The following CCNH variants were observed in gnomAD, a reference collection of about 807,000 sequenced individuals.
CCNH encodes cyclin H, also known as cyclin-H.
CCNH carries 31 observed loss-of-function variants against 41.9 expected under a neutral mutation model. The observed-to-expected ratio is 0.74, with a 90% CI of 0.56 to 1.00. The LOEUF is 1.00. Ranked by LOEUF, CCNH falls within the 50% of genes least tolerant of loss-of-function variation. The probability of loss-of-function intolerance (pLI) is 0.00; values close to 1 mark genes in which losing one functional copy is unlikely to be tolerated. For synonymous variants in CCNH, 138 were observed against 136.1 expected (o/e 1.01, Z -0.10); for missense variants, 362 against 388.4 (o/e 0.93, Z 0.57).
rs769133355 is a variant in CCNH at position 87,398,248 on chromosome 5, T to A, written c.872+1146A>T. On this transcript the variant is annotated intron_variant, in intron 7 of 8. Transcript: ENST00000256897. ...GCACACTTCCTAAGTCCGTAGATATTCCCCAACTACAACTGTATAGGTAAG... is the reference window on the plus strand; with the variant it reads ...GCACACTTCCTAAGTCCGTAGATATACCCCAACTACAACTGTATAGGTAAG... Among the ~76,000 whole-genome samples the A allele has an allele frequency of 3.9e-5, 6 of 152,304 alleles. No individual in the cohort carries two copies. In the South Asian group the frequency reaches 1.0e-3, roughly 26 times the overall value.
At chr5:87,312,804 C>T in the CCNH span, among the ~76,000 whole-genome samples, 1 of 152,030 alleles carries the variant, frequency 6.6e-6, no homozygotes, top group Non-Finnish European at 1.5e-5. Flanking sequence ...ATCTAGCAAA[C>T]AAATAAACAA....
intron 9 of CCNH, among the ~76,000 whole-genome samples, chr5:87,323,526 T>C (rs1397634407): frequency 1.3e-5 from 2 of 152,202 alleles, no homozygotes; most frequent in Non-Finnish European, 2.9e-5. Context: ...CTTTGAGGCA[T>C]ATTTCAGTTT....
At chr5:87,398,325 C>T (rs368740793) in intron 7 of CCNH, among the ~76,000 whole-genome samples, 1 of 152,298 alleles carries the variant, frequency 6.6e-6, no homozygotes, top group East Asian at 1.9e-4. Context: ...GCTGTTCTGG[C>T]TTTTCATAGT....
intron 9 of CCNH, among the ~76,000 whole-genome samples, chr5:87,324,347 G>T (rs1255621985): frequency 6.6e-6 from 1 of 151,886 alleles, no homozygotes; most frequent in Non-Finnish European, 1.5e-5. Context: ...GAGAGGTGTG[G>T]TTTTTTTTCT....
chr5:87,311,863 CAG>C, the CCNH span, among the ~76,000 whole-genome samples: 1 of 152,204 alleles, frequency 6.6e-6, no homozygotes, highest in African/African-American at 2.4e-5. Flanking sequence ...TGAAGGCTTT[CAG>C]TAAACAAAGG....
intron 9 of CCNH, chr5:87,362,442 T>C: frequency 5.6e-6 from 6 of 1,062,548 alleles, no homozygotes; most frequent in Non-Finnish European, 8.4e-6. Flanking sequence ...TATGTGTATC[T>C]AGATTTTAGT....
At chr5:87,365,306 A>C (rs1383632243) in intron 9 of CCNH, among the ~76,000 whole-genome samples, 2 of 152,140 alleles carry the variant, frequency 1.3e-5, no homozygotes, top group Non-Finnish European at 2.9e-5. Context: ...AACTGTTCTA[A>C]TTCATTATTT....
At chr5:87,339,362 G>A (rs1216863056) in intron 9 of CCNH, among the ~76,000 whole-genome samples, 1 of 152,074 alleles carries the variant, frequency 6.6e-6, no homozygotes, top group African/African-American at 2.4e-5. Flanking sequence ...TTAGTATTCT[G>A]TATTCTACAG....
chr5:87,392,964 C>A (rs1224809463), downstream of CCNH: 1 of 151,880 alleles, frequency 6.6e-6, no homozygotes, highest in Non-Finnish European at 1.5e-5. Flanking sequence ...AGCCTAGCAG[C>A]AATATATTTA....
chr5:87,324,662 CACAT>C (rs1757087638), intron 9 of CCNH, among the ~76,000 whole-genome samples: 2 of 152,262 alleles, frequency 1.3e-5, no homozygotes, highest in African/African-American at 4.8e-5. Context: ...TGTGCACACA[CACAT>C]ACATATGCAC....
chr5:87,359,080 C>T (rs1759875779), intron 9 of CCNH, among the ~76,000 whole-genome samples: 1 of 152,110 alleles, frequency 6.6e-6, no homozygotes, highest in Admixed American at 6.6e-5. Context: ...AATACAAGTT[C>T]CATGAGGATA....
downstream of CCNH, among the ~76,000 whole-genome samples, chr5:87,373,792 T>C (rs1156620099): frequency 1.3e-5 from 2 of 152,158 alleles, no homozygotes; most frequent in Non-Finnish European, 2.9e-5. Flanking sequence ...CATACGGGAT[T>C]TTAATTTGAG....
chr5:87,333,147 T>C, intron 9 of CCNH: 1 of 1,420,684 alleles, frequency 7.0e-7, no homozygotes, highest in East Asian at 2.5e-5. Flanking sequence ...TAAAAATTTA[T>C]TTGAATGATC....
intron 7 of CCNH, 79 bp from the exon 8 acceptor site, chr5:87,395,183 A>G: frequency 8.1e-7 from 1 of 1,238,148 alleles, no homozygotes; most frequent in South Asian, 1.3e-5. Flanking sequence ...TAGCAAGGCT[A>G]TAGGCAATAT....
intron 7 of CCNH, among the ~76,000 whole-genome samples, chr5:87,397,402 C>T (rs556444576): frequency 2.4e-3 from 372 of 152,200 alleles, no homozygotes; most frequent in Non-Finnish European, 3.8e-3. Context: ...TCAGGTGATC[C>T]GCCCGCCTTA....
At chr5:87,401,437 C>T (rs1763404097) in intron 6 of CCNH, among the ~76,000 whole-genome samples, 1 of 152,196 alleles carries the variant, frequency 6.6e-6, no homozygotes, top group South Asian at 2.1e-4. Flanking sequence ...TTAAAAGGAT[C>T]CTGTTGTCAA....
At chr5:87,332,628 G>C in intron 9 of CCNH, 1 of 1,610,502 alleles carries the variant, frequency 6.2e-7, no homozygotes, top group Non-Finnish European at 8.5e-7. Flanking sequence ...ACTTTACCCA[G>C]TTGCACCACC....
downstream of CCNH, chr5:87,371,986 T>C (rs76905047): frequency 0.012 from 7,768 of 653,422 alleles, 482 homozygotes; most frequent in African/African-American, 0.13. Flanking sequence ...TGAAGTACAG[T>C]ATAGTCTGAG....
At chr5:87,389,649 T>A (rs1477741797), downstream of CCNH, 3 of 1,300,988 alleles carry the variant, frequency 2.3e-6, no homozygotes, top group Non-Finnish European at 3.3e-6. Flanking sequence ...AGACTCTGCA[T>A]CATATTACAA....
Sources: gnomAD v4.1 joint callset for allele counts (sites outside exome capture counted in the v4.1 genomes callset) on GRCh38, gnomAD v4.1.1 for gene constraint, MANE v1.5 for transcripts, NCBI Gene and HGNC (gene_info 2026-07-23, HGNC 2026-07-21) for gene names.